AKAP6: variants seen among roughly 807,000 people sequenced by gnomAD.
The protein encoded by AKAP6 is A-kinase anchoring protein 6, also known as A-kinase anchor protein 6.
In AKAP6, 58 loss-of-function variants were observed where a neutral mutation model predicts 188.5. That is an observed-to-expected ratio of 0.31 (90% CI 0.25 to 0.38). The LOEUF (loss-of-function observed/expected upper bound fraction) is 0.38. Among genes scored for constraint, AKAP6 ranks in the 10% least tolerant of loss-of-function variants. The pLI is 1.00. For synonymous variants in AKAP6, 989 were observed against 998.6 expected (o/e 0.99, Z 0.18); for missense variants, 2,710 against 2,740.0 (o/e 0.99, Z 0.24).
intron 5 of AKAP6, among the ~76,000 whole-genome samples, chr14:32,598,152 C>T (rs17415416): frequency 0.12 from 18,429 of 152,170 alleles, 1,327 homozygotes; most frequent in Admixed American, 0.21. Context: ...ACTTCTTTAA[C>T]GCAAAATTAT....
intron 1 of AKAP6, among the ~76,000 whole-genome samples, chr14:32,333,795 C>T (rs1460334581): frequency 1.3e-5 from 2 of 152,082 alleles, no homozygotes; most frequent in Non-Finnish European, 2.9e-5. Context: ...ACAAACTTGA[C>T]ATATGGAAAT....
intron 5 of AKAP6, among the ~76,000 whole-genome samples, chr14:32,585,032 G>GT (rs35716814): frequency 0.78 from 116,578 of 148,630 alleles, 45,624 homozygotes; most frequent in East Asian, 0.9. Flanking sequence ...TGGGTAACTA[G>GT]TTTTTTTTTT....
intron 11 of AKAP6, among the ~76,000 whole-genome samples, chr14:32,761,341 T>C (rs951679845): frequency 2.6e-5 from 4 of 152,326 alleles, no homozygotes; most frequent in East Asian, 1.9e-4. Context: ...TCTGGAATAA[T>C]AGGAAAACTT....
At chr14:32,699,747 T>C (rs1483417023) in intron 9 of AKAP6, among the ~76,000 whole-genome samples, 1 of 152,188 alleles carries the variant, frequency 6.6e-6, no homozygotes, top group Admixed American at 6.5e-5. Context: ...TTTCTCATTT[T>C]TTCTTCCTCA....
At chr14:32,550,883 C>A (rs1883430787) in intron 4 of AKAP6, among the ~76,000 whole-genome samples, 1 of 152,190 alleles carries the variant, frequency 6.6e-6, no homozygotes, top group Non-Finnish European at 1.5e-5. Flanking sequence ...TGGATTACTG[C>A]AGTAGCCTCC....
chr14:32,697,937 T>A (rs776687967), intron 9 of AKAP6, among the ~76,000 whole-genome samples: 1 of 152,168 alleles, frequency 6.6e-6, no homozygotes, highest in Non-Finnish European at 1.5e-5. Context: ...CTGTGATTTT[T>A]CATTTGTGAC....
intron 3 of AKAP6, among the ~76,000 whole-genome samples, chr14:32,538,951 A>G (rs1882802183): frequency 6.6e-6 from 1 of 152,150 alleles, no homozygotes; most frequent in Non-Finnish European, 1.5e-5. Context: ...TTTTTAACTG[A>G]TTTCTATTTT....
At position 32,529,963 on chromosome 14, in the gene AKAP6, C is replaced by CT. The variant is rs11305618; in HGVS notation, c.325-5566dup. ...TATGGTGAACATATGGGTAAAGAAA[C>CT]TTTTTTTTTTTTTTTTTTTTTTTTT... On this transcript the variant is annotated intron_variant, in intron 2 of 13. Transcript: ENST00000280979. Among the ~76,000 whole-genome samples the CT allele has an allele frequency of 8.3e-3, 515 of 62,016 alleles. 23 individuals are homozygous for CT. Among genetic ancestry groups the CT allele is most frequent in the East Asian group, 0.01 (19 of 1,820 alleles). 40.7% of individuals were successfully genotyped at this position (62,016 alleles called of 152,430 possible).
chr14:32,388,594 AT>A (rs1260599635), intron 1 of AKAP6, among the ~76,000 whole-genome samples: 2 of 152,066 alleles, frequency 1.3e-5, no homozygotes, highest in African/African-American at 4.8e-5. Flanking sequence ...TTTCATGTTG[AT>A]TTCATTTTTG....
At chr14:32,359,840 A>T (rs1566463221) in intron 1 of AKAP6, among the ~76,000 whole-genome samples, 2 of 152,238 alleles carry the variant, frequency 1.3e-5, no homozygotes, top group Non-Finnish European at 2.9e-5. Flanking sequence ...TTCTCATCAC[A>T]TCAGATTAGA....
At chr14:32,739,688 T>C (rs929743252) in intron 11 of AKAP6, among the ~76,000 whole-genome samples, 3 of 152,088 alleles carry the variant, frequency 2.0e-5, no homozygotes, top group Non-Finnish European at 4.4e-5. Flanking sequence ...CATGTTGTTG[T>C]AAATGACACG....
At chr14:32,343,746 C>CAAAAAA (rs56376110) in intron 1 of AKAP6, among the ~76,000 whole-genome samples, 33 of 37,266 alleles carry the variant, frequency 8.9e-4, no homozygotes, top group Admixed American at 1.7e-3. Context: ...GATTCCGTCT[C>CAAAAAA]AAAAAAAAAA....
At chr14:32,518,583 G>A (rs1353138655) in intron 2 of AKAP6, among the ~76,000 whole-genome samples, 1 of 152,162 alleles carries the variant, frequency 6.6e-6, no homozygotes, top group Non-Finnish European at 1.5e-5. Context: ...TCAAGTGGAA[G>A]AAAGGGTATC....
chr14:32,433,578 A>C lies in AKAP6; in HGVS notation c.85A>C (p.Asn29His), dbSNP rs772144084. The C allele has an allele frequency of 6.2e-7, 1 of 1,614,162 alleles. No individual in the cohort carries two copies. Among genetic ancestry groups the C allele is most frequent in the East Asian group, 2.2e-5 (1 of 44,884 alleles). ...TACTGATGCTTCACCCATGGCCATC[A>C]ACATGACACCCACTGTGGAGCAGGG... ...MATDASPMAI[N>H]MTPTVEQGEG... is the part of the protein sequence containing the mutation. Residue 29 changes from asparagine (N) to histidine (H), a missense_variant, in exon 2 of 14, where the codon AAC (asparagine) becomes CAC (histidine). Coordinates refer to ENST00000280979, the MANE Select transcript of AKAP6 (RefSeq NM_004274.5).
intron 12 of AKAP6, among the ~76,000 whole-genome samples, chr14:32,801,087 T>G (rs2033935546): frequency 6.6e-6 from 1 of 152,174 alleles, no homozygotes; most frequent in Admixed American, 6.5e-5. Context: ...CTTTTGTCTA[T>G]TCTGGCAATC....
At chr14:32,427,026 G>C (rs28464209) in intron 1 of AKAP6, among the ~76,000 whole-genome samples, 1,693 of 152,232 alleles carry the variant, frequency 0.011, 27 homozygotes, top group African/African-American at 0.039. Context: ...GAGGGGCACA[G>C]CTGTACAAAA....
At chr14:32,754,117 C>G (rs963093212) in intron 11 of AKAP6, among the ~76,000 whole-genome samples, 2 of 151,958 alleles carry the variant, frequency 1.3e-5, no homozygotes, top group Admixed American at 1.3e-4. Flanking sequence ...AAGGCTCCTA[C>G]TATAATTGTA....
At chr14:32,557,498 C>T (rs1017000759) in intron 4 of AKAP6, among the ~76,000 whole-genome samples, 3 of 152,170 alleles carry the variant, frequency 2.0e-5, no homozygotes, top group African/African-American at 7.2e-5. Context: ...CTTTTTTATT[C>T]ACCCACAGAG....
chr14:32,337,935 G>T (rs1219502564), intron 1 of AKAP6, among the ~76,000 whole-genome samples: 1 of 152,062 alleles, frequency 6.6e-6, no homozygotes, highest in Non-Finnish European at 1.5e-5. Flanking sequence ...GGGGAGGATT[G>T]CTTGAGCCTA....
Sources: gnomAD v4.1 joint callset for allele counts (sites outside exome capture counted in the v4.1 genomes callset) on GRCh38, gnomAD v4.1.1 for gene constraint, MANE v1.5 for transcripts, NCBI Gene and HGNC (gene_info 2026-07-23, HGNC 2026-07-21) for gene names.